The following TSPEAR variants were observed in gnomAD, a reference collection of about 807,000 sequenced individuals.
TSPEAR encodes the protein thrombospondin type laminin G domain and EAR repeats.
In TSPEAR, 69 loss-of-function variants were observed where a neutral mutation model predicts 71.6. That is an observed-to-expected ratio of 0.96 (90% confidence interval 0.79 to 1.18). The LOEUF (loss-of-function observed/expected upper bound fraction) is 1.18. Among genes scored for constraint, TSPEAR ranks in the 50% most tolerant of loss-of-function variants. TSPEAR has a pLI of 0.00. For missense variants in TSPEAR, 971 were observed against 894.9 expected (o/e 1.09, Z -1.09); for synonymous variants, 402 against 387.2 (o/e 1.04, Z -0.45).
intron 1 of TSPEAR, among the ~76,000 whole-genome samples, chr21:44,651,105 T>C (rs1555941332): frequency 6.6e-6 from 1 of 152,132 alleles, no homozygotes. Context: ...GTAGAGCCTC[T>C]TCCAGGCTGG....
intron 2 of TSPEAR, chr21:44,558,594 G>T (rs782786588): frequency 1.2e-6 from 2 of 1,611,616 alleles, no homozygotes; most frequent in Admixed American, 3.3e-5. Flanking sequence ...GGTCAGGCAG[G>T]GGGCCGGGGC....
Position 44,505,181 on chromosome 21 carries a change from C to T in TSPEAR, c.1755-300G>A, listed in dbSNP as rs986065186. ...GCAACCTCTGCCTCTCGGATTCAAGCGATTCTCCTGCCTCAGCCTCCCGAG... is the reference window on the plus strand; with the variant it reads ...GCAACCTCTGCCTCTCGGATTCAAGTGATTCTCCTGCCTCAGCCTCCCGAG... On this transcript the variant is annotated intron_variant, in intron 10 of 11. Coordinates refer to ENST00000323084, the MANE Select transcript of TSPEAR (RefSeq NM_144991.3). 1.1e-4 allele frequency among the ~76,000 whole-genome samples: 17 copies of T among 152,210 alleles called. No homozygotes were observed. The East Asian group carries it at 1.4e-3, about 12-fold the overall frequency.
chr21:44,632,027 T>C (rs1983285827), intron 1 of TSPEAR, among the ~76,000 whole-genome samples: 1 of 152,198 alleles, frequency 6.6e-6, no homozygotes, highest in Non-Finnish European at 1.5e-5. Flanking sequence ...ATTATGAATG[T>C]ATTTAATATC....
chr21:44,515,749 T>A lies in TSPEAR; in HGVS notation c.1566+6134A>T, dbSNP rs1007622927. ...CATCACCCGTGACAGAAGCCCCGTG[T>A]TTTTCGGTAACCACGTTCCACGAAC... On this transcript the variant is annotated intron_variant, in intron 9 of 11. Coordinates refer to ENST00000323084, the MANE Select transcript of TSPEAR (RefSeq NM_144991.3). The A allele has an allele frequency of 3.3e-5, 5 of 152,300 alleles. No homozygotes were observed. In the East Asian group the frequency reaches 9.6e-4, roughly 29 times the overall value. The allele number at this position is 152,300 out of a possible 1,614,324, so 9.4% of individuals were successfully genotyped here. A position where few individuals can be genotyped will look rare whatever the true frequency, so the allele number is the denominator to read the frequency against.
intron 9 of TSPEAR, among the ~76,000 whole-genome samples, chr21:44,511,546 A>T (rs782689365): frequency 2.4e-4 from 37 of 152,186 alleles, no homozygotes; most frequent in African/African-American, 8.9e-4. Context: ...ACTTGCACAC[A>T]TGCCTGTACA....
intron 2 of TSPEAR, chr21:44,539,553 C>T (rs781916627): frequency 1.2e-6 from 2 of 1,613,310 alleles, no homozygotes; most frequent in Non-Finnish European, 1.7e-6. Context: ...CAGACGGGCA[C>T]ACAGCAGATG....
At chr21:44,674,731 A>AGAGTGTGTGT (rs1986221304) in intron 1 of TSPEAR, among the ~76,000 whole-genome samples, 1 of 127,074 alleles carries the variant, frequency 7.9e-6, no homozygotes, top group Non-Finnish European at 1.6e-5. Flanking sequence ...CTGTCTTTAA[A>AGAGTGTGTGT]GTGTGTGTGT....
At chr21:44,676,156 TAGG>T (rs1986303335) in intron 1 of TSPEAR, 2 of 1,014,048 alleles carry the variant, frequency 2.0e-6, no homozygotes, top group African/African-American at 1.6e-5. Context: ...GGACTGCAGG[TAGG>T]AGAAGAAGTA....
chr21:44,654,597 G>A (rs782687807), intron 1 of TSPEAR: 59 of 1,572,530 alleles, frequency 3.8e-5, no homozygotes, highest in Non-Finnish European at 5.1e-5. Flanking sequence ...AGCCCGAAGA[G>A]TGGCTGGTGT....
chr21:44,704,695 G>C (rs1028893722), intron 1 of TSPEAR, among the ~76,000 whole-genome samples: 40 of 152,306 alleles, frequency 2.6e-4, no homozygotes, highest in African/African-American at 9.4e-4. Context: ...AGTCTACCAC[G>C]GGGACCAGAA....
chr21:44,683,100 A>G (rs1211898523), intron 1 of TSPEAR, among the ~76,000 whole-genome samples: 2 of 152,124 alleles, frequency 1.3e-5, no homozygotes, highest in African/African-American at 4.8e-5. Flanking sequence ...CACAGACTAC[A>G]GTGAGACCCG....
intron 2 of TSPEAR, among the ~76,000 whole-genome samples, chr21:44,563,365 T>C (rs1308315257): frequency 1.3e-5 from 2 of 152,160 alleles, no homozygotes; most frequent in Non-Finnish European, 2.9e-5. Context: ...GGAAAAGAGT[T>C]GTATAGGAGC....
chr21:44,537,784 G>T (rs1307432572), intron 2 of TSPEAR, among the ~76,000 whole-genome samples: 1 of 152,144 alleles, frequency 6.6e-6, no homozygotes, highest in East Asian at 1.9e-4. Context: ...ATGGACAGAG[G>T]ATCCCCAGCC....
rs587681981 is a variant in TSPEAR, at chr21:44,582,160, A to G, written c.83-14155T>C. 4.7e-4 allele frequency among the ~76,000 whole-genome samples: 71 copies of G among 152,366 alleles called. No individual in the cohort carries two copies. The East Asian group carries it at 0.011, about 23-fold the overall frequency. On this transcript the variant is annotated intron_variant, in intron 1 of 11. Transcript: ENST00000323084. ...ATGACGTCATATCAGCGGGTGTGCTACAGACATGCACGGCGCAGGTGCGGT... is the reference window on the plus strand; with the variant it reads ...ATGACGTCATATCAGCGGGTGTGCTGCAGACATGCACGGCGCAGGTGCGGT...
chr21:44,571,946 G>T (rs1555922575), intron 1 of TSPEAR, among the ~76,000 whole-genome samples: 2 of 152,212 alleles, frequency 1.3e-5, no homozygotes, highest in African/African-American at 4.8e-5. Flanking sequence ...TGCGGGCGAG[G>T]CCCCCGGAGG....
chr21:44,614,207 G>A lies in TSPEAR; in HGVS notation c.83-46202C>T, dbSNP rs139479380. On this transcript the variant is annotated intron_variant, in intron 1 of 11. Coordinates refer to ENST00000323084, the MANE Select transcript of TSPEAR (RefSeq NM_144991.3). ...ACCATTCACGATCTGTGACGCCAGC[G>A]TCACTCTCCCCCTCTACACCCATTC... Among the ~76,000 whole-genome samples the A allele has an allele frequency of 1.4e-3, 219 of 152,310 alleles. 3 individuals carry two copies. The highest frequency in any genetic ancestry group is 4.9e-3 in the African/African-American group (202 of 41,570).
Position 44,514,383 on chromosome 21 carries a change from AGTGTGCATGT to A in TSPEAR, c.1567-5007_1567-4998del, listed in dbSNP as rs369894257. On this transcript the variant is annotated intron_variant, in intron 9 of 11. Coordinates refer to ENST00000323084, the MANE Select transcript of TSPEAR (RefSeq NM_144991.3). ...AAGCGAGTACACACACGTGTGCATG[AGTGTGCATGT>A]ACATGTGTGTTGAGCCATGGGCGGG... Among the ~76,000 whole-genome samples, 514 of 152,014 alleles carry A rather than the reference AGTGTGCATGT, an allele frequency of 3.4e-3. 3 individuals are homozygous for A. The highest frequency in any genetic ancestry group is 0.01 in the Middle Eastern group (3 of 294).
chr21:44,549,528 A>G (rs587663361), intron 2 of TSPEAR, among the ~76,000 whole-genome samples: 15 of 152,322 alleles, frequency 9.8e-5, no homozygotes, highest in African/African-American at 3.4e-4. Context: ...AAAAAGAATA[A>G]TGTGTGCCCC....
chr21:44,574,960 T>C (rs1555923685), intron 1 of TSPEAR: 3 of 1,606,516 alleles, frequency 1.9e-6, no homozygotes, highest in South Asian at 1.1e-5. Flanking sequence ...GTGTCCCTCC[T>C]CTGACGCCCC....
Sources: allele counts gnomAD v4.1 joint callset (sites outside exome capture counted in the v4.1 genomes callset), GRCh38; gene constraint gnomAD v4.1.1; transcripts MANE v1.5; gene names NCBI Gene and HGNC (gene_info 2026-07-23, HGNC 2026-07-21).